SLFN11: variants seen among roughly 807,000 people sequenced by gnomAD.
SLFN11 encodes schlafen family member 11.
SLFN11 carries 43 observed loss-of-function variants against 53.4 expected under a neutral mutation model. The observed-to-expected ratio is 0.80, with a 90% CI of 0.63 to 1.04. SLFN11 has a LOEUF of 1.04. Ranked by LOEUF, SLFN11 falls within the 50% of genes least tolerant of loss-of-function variation. The pLI is 0.00. For missense variants in SLFN11, 990 were observed against 1,079.1 expected (o/e 0.92, Z 1.16); for synonymous variants, 389 against 394.7 (o/e 0.99, Z 0.17).
Position 35,360,356 on chromosome 17 carries a change from G to GAC in SLFN11, c.1083_1084dup (p.Ser362CysfsTer9). 1 of 1,605,838 alleles carries GAC rather than the reference G, an allele frequency of 6.2e-7. No homozygotes were observed. The highest frequency in any genetic ancestry group is 8.5e-7 in the Non-Finnish European group (1 of 1,177,378). ...ACTCAGCTGACATTCAAAATCTTCA[G>GAC]ACAACTGTAGAAGATCTTAAGAAAG... On this transcript the variant is annotated frameshift_variant, in exon 5 of 7. Transcript: ENST00000685675. LOFTEE classifies it high-confidence loss of function.
rs1906549344 is a variant in SLFN11 at position 35,350,500 on chromosome 17, A to G, written c.*1856T>C. On this transcript the variant is annotated 3_prime_UTR_variant, in exon 7 of 7. Transcript: ENST00000685675. ...TATTGTTAGTGGGGCAATAAATCAT[A>G]AAGAGATACAACCAGTCGAAATTAG... 1 of 152,192 alleles carries G rather than the reference A, an allele frequency of 6.6e-6. No individual in the cohort carries two copies. The highest frequency in any genetic ancestry group is 1.5e-5 in the Non-Finnish European group (1 of 68,022). The allele number at this position is 152,192 out of a possible 1,614,324, so 9.4% of individuals were successfully genotyped here. A position where few individuals can be genotyped will look rare whatever the true frequency, so the allele number is the denominator to read the frequency against.
intron 3 of SLFN11, among the ~76,000 whole-genome samples, chr17:35,366,731 T>G (rs1357129277): frequency 6.6e-6 from 1 of 152,022 alleles, no homozygotes; most frequent in Admixed American, 6.5e-5. Context: ...ACAGAAGGAA[T>G]GAGATGACTG....
intron 1 of SLFN11, among the ~76,000 whole-genome samples, chr17:35,370,029 G>C (rs1909454309): frequency 6.6e-6 from 1 of 151,996 alleles, no homozygotes; most frequent in Admixed American, 6.5e-5. Flanking sequence ...CAGTATTACT[G>C]ATACCAAAAC....
At chr17:35,372,038 C>T (rs1298550497) in intron 1 of SLFN11, among the ~76,000 whole-genome samples, 1 of 152,116 alleles carries the variant, frequency 6.6e-6, no homozygotes, top group Non-Finnish European at 1.5e-5. Context: ...TCCTGCAGCA[C>T]TGTTTAAAAT....
chr17:35,352,246 T>G lies in SLFN11; in HGVS notation c.*110A>C, dbSNP rs546933049. 34 of 1,384,068 alleles carry G rather than the reference T, an allele frequency of 2.5e-5. No individual in the cohort carries two copies. In the East Asian group the frequency reaches 7.1e-4, roughly 29 times the overall value. 85.7% of individuals were successfully genotyped at this position (1,384,068 alleles called of 1,614,324 possible). A position where few individuals can be genotyped will look rare whatever the true frequency, so the allele number is the denominator to read the frequency against. On this transcript the variant is annotated 3_prime_UTR_variant, in exon 7 of 7. Coordinates refer to ENST00000685675, the MANE Select transcript of SLFN11 (RefSeq NM_001376007.1). ...AGAAATGGGGGAGCTCCAAACTCTT[T>G]GTGTCAGCTCCGTCCAAATCTCTGA...
chr17:35,352,907 A>T lies in SLFN11; in HGVS notation c.2155T>A (p.Ser719Thr). 6.2e-7 allele frequency: 1 copy of T among 1,614,162 alleles called. No homozygotes were observed. Among genetic ancestry groups the T allele is most frequent in the South Asian group, 1.1e-5 (1 of 91,082 alleles). ...HLDCSGLPPL[S>T]DQYPREELTR... The stretch of plus-strand genomic sequence containing the variant: ...AGCTCTTCTCTTGGATATTGGTCTG[A>T]GAGAGGAGGGAGGCCACTGCAATCC... Residue 719 changes from serine to threonine, a missense_variant, in exon 7 of 7, where the codon TCA becomes ACA. By Grantham distance (58) the Ser-to-Thr change is moderately conservative. Coordinates refer to ENST00000685675, the MANE Select transcript of SLFN11 (RefSeq NM_001376007.1).
intron 5 of SLFN11, 103 bp from the exon 6 acceptor site, chr17:35,354,162 G>A: frequency 1.0e-5 from 10 of 999,508 alleles, no homozygotes; most frequent in Non-Finnish European, 1.3e-5. Context: ...ATTACTTATA[G>A]AAGTTTCAAA....
chr17:35,360,125 G>A lies in SLFN11; in HGVS notation c.1198+118C>T, dbSNP rs751323498. ...ACCAATAGGATTGTAACATCATCAC[G>A]TCTTACAAATGGGTTTGCAGAGCAC... is the stretch of plus-strand genomic sequence containing the variant. On this transcript the variant is annotated intron_variant, in intron 5 of 6. Coordinates refer to ENST00000685675, the MANE Select transcript of SLFN11 (RefSeq NM_001376007.1). 1.3e-4 allele frequency: 136 copies of A among 1,038,384 alleles called. 1 individual carries two copies. Among genetic ancestry groups the A allele is most frequent in the Non-Finnish European group, 1.8e-4 (125 of 701,034 alleles). The allele number at this position is 1,038,384 out of a possible 1,614,324, so 64.3% of individuals were successfully genotyped here.
In SLFN11 at chr17:35,353,908, G is replaced by A; in HGVS notation, c.1350C>T (p.Asn450=). The A allele has an allele frequency of 6.2e-7, 1 of 1,613,898 alleles. No individual in the cohort carries two copies. The highest frequency in any genetic ancestry group is 1.1e-5 in the South Asian group (1 of 91,070). ...IFSRSWAVDL[N]LQEKPGVICD... is the part of the protein sequence containing the mutation. ...AGATGACTCCTGGCTTCTCCTGCAAGTTCAGGTCCACAGCCCAACTTCTAG... is the reference window on the plus strand; with the variant it reads ...AGATGACTCCTGGCTTCTCCTGCAAATTCAGGTCCACAGCCCAACTTCTAG... The change falls in exon 6 of 7, where the codon AAC becomes AAT. Residue 450 remains asparagine (N), a synonymous_variant. Coordinates refer to ENST00000685675, the MANE Select transcript of SLFN11 (RefSeq NM_001376007.1).
chr17:35,357,634 T>C (rs535904088), intron 5 of SLFN11, among the ~76,000 whole-genome samples: 1 of 149,594 alleles, frequency 6.7e-6, no homozygotes, highest in East Asian at 1.9e-4. Context: ...TGTTTCTGTG[T>C]ATTTCCAGAT....
chr17:35,353,010 T>C lies in SLFN11; in HGVS notation c.2052A>G (p.Ala684=). 6.2e-7 allele frequency: 1 copy of C among 1,614,216 alleles called. No homozygotes were observed. Among genetic ancestry groups the C allele is most frequent in the Non-Finnish European group, 8.5e-7 (1 of 1,180,046 alleles). Residue 684 remains alanine, a synonymous_variant, in exon 7 of 7, where the codon GCA becomes GCG. Coordinates refer to ENST00000685675, the MANE Select transcript of SLFN11 (RefSeq NM_001376007.1). ...RTEDGDWYGK[A]KSITRRAKGG... is the part of the protein sequence containing the mutation. Reference sequence around the variant, plus strand: ...CCTTTGCTCTCCGAGTGATGCTTTTTGCCTTCCCATACCAGTCCCCATCTT... The same window carrying C: ...CCTTTGCTCTCCGAGTGATGCTTTTCGCCTTCCCATACCAGTCCCCATCTT...
At position 35,363,252 on chromosome 17, in the gene SLFN11, T is replaced by C. The variant is rs1908489467; in HGVS notation, c.556A>G (p.Asn186Asp). Residue 186 changes from asparagine to aspartate, a missense_variant, in exon 4 of 7, where the codon AAC (asparagine) becomes GAC (aspartate). By Grantham distance (23) the Asn-to-Asp change is conservative. This residue lies in a region of SLFN11 where 521 missense variants were observed against 516.2 expected (regional missense o/e 1.01). Coordinates refer to ENST00000685675, the MANE Select transcript of SLFN11 (RefSeq NM_001376007.1). ...AAAATTAGGTCAGCAGGATCCGAGT[T>C]TGGGTCAGCAGGATCCGAGTTAGGG... is the stretch of plus-strand genomic sequence containing the variant. ...ELPNSDPADPNSDPADLIFQK... is the reference protein window; with the variant it reads ...ELPNSDPADPDSDPADLIFQK... The C allele has an allele frequency of 6.2e-7, 1 of 1,613,998 alleles. No individual in the cohort carries two copies. The highest frequency in any genetic ancestry group is 8.5e-7 in the Non-Finnish European group (1 of 1,179,972).
At position 35,352,036 on chromosome 17, in the gene SLFN11, C is replaced by T; in HGVS notation, c.*320G>A. On this transcript the variant is annotated 3_prime_UTR_variant, in exon 7 of 7. Transcript: ENST00000685675. Reference sequence around the variant, plus strand: ...GCCCAGCCTTGGAAGAAAGAAAGGCCACAGGCTGAGTTTCTTATTTTTATG... The same window carrying T: ...GCCCAGCCTTGGAAGAAAGAAAGGCTACAGGCTGAGTTTCTTATTTTTATG... 1 of 287,888 alleles carries T rather than the reference C, an allele frequency of 3.5e-6. No homozygotes were observed. The allele number at this position is 287,888 out of a possible 1,614,324, so 17.8% of individuals were successfully genotyped here.
At chr17:35,369,356 A>C (rs1321377217) in intron 1 of SLFN11, among the ~76,000 whole-genome samples, 1 of 152,132 alleles carries the variant, frequency 6.6e-6, no homozygotes, top group Non-Finnish European at 1.5e-5. Context: ...TGTGTTGGCC[A>C]CAGGGTCATC....
rs1415638533 is a variant in SLFN11 at position 35,366,938 on chromosome 17, G to C, written c.-20+9C>G. 6.6e-6 allele frequency: 1 copy of C among 151,860 alleles called. No individual in the cohort carries two copies. The highest frequency in any genetic ancestry group is 1.5e-5 in the Non-Finnish European group (1 of 67,986). The allele number at this position is 151,860 out of a possible 1,614,324, so 9.4% of individuals were successfully genotyped here. A position where few individuals can be genotyped will look rare whatever the true frequency, so the allele number is the denominator to read the frequency against. ...AATACAAAAATTAGGCAGGTGTGGTGGTACTCACCTGTGGTCCCAGCTACT... is the reference window on the plus strand; with the variant it reads ...AATACAAAAATTAGGCAGGTGTGGTCGTACTCACCTGTGGTCCCAGCTACT... On this transcript the variant is annotated intron_variant, in intron 3 of 6. Coordinates refer to ENST00000685675, the MANE Select transcript of SLFN11 (RefSeq NM_001376007.1).
In SLFN11 at chr17:35,350,875, C is replaced by G. The variant is rs954624038; in HGVS notation, c.*1481G>C. Reference sequence around the variant, plus strand: ...TATTGGTCATATGATTTCTTAGTTTCCATTAGTTATGCAAATATTTTACTG... The same window carrying G: ...TATTGGTCATATGATTTCTTAGTTTGCATTAGTTATGCAAATATTTTACTG... On this transcript the variant is annotated 3_prime_UTR_variant, in exon 7 of 7. Coordinates refer to ENST00000685675, the MANE Select transcript of SLFN11 (RefSeq NM_001376007.1). The G allele has an allele frequency of 2.6e-5, 4 of 152,080 alleles. No homozygotes were observed. Among genetic ancestry groups the G allele is most frequent in the African/African-American group, 9.7e-5 (4 of 41,402 alleles). 9.4% of individuals were successfully genotyped at this position (152,080 alleles called of 1,614,324 possible).
In SLFN11 at chr17:35,363,283, T is replaced by C; in HGVS notation, c.525A>G (p.Gln175=). The C allele has an allele frequency of 6.2e-7, 1 of 1,614,078 alleles. No individual in the cohort carries two copies. The change falls in exon 4 of 7, where the codon CAA becomes CAG. Residue 175 remains glutamine, a synonymous_variant. Transcript: ENST00000685675. ...PFHKIHKGVY[Q]ELPNSDPADP... ...CAGCAGGATCCGAGTTAGGGAGCTC[T>C]TGGTATACACCCTTGTGAATTTTGT...
At chr17:35,361,695 C>T (rs970524202) in intron 4 of SLFN11, among the ~76,000 whole-genome samples, 16 of 152,000 alleles carry the variant, frequency 1.1e-4, no homozygotes, top group African/African-American at 3.4e-4. Flanking sequence ...AGATAAACTA[C>T]ATCTTAATTT....
chr17:35,368,199 C>T (rs534153451), intron 1 of SLFN11, among the ~76,000 whole-genome samples: 21 of 152,150 alleles, frequency 1.4e-4, no homozygotes, highest in African/African-American at 4.6e-4. Flanking sequence ...AGGGGATTGG[C>T]TAGCCTCAGA....
Sources: allele counts gnomAD v4.1 joint callset (sites outside exome capture counted in the v4.1 genomes callset), GRCh38; gene constraint gnomAD v4.1.1; regional missense constraint gnomAD v4.1.1; transcripts MANE v1.5; gene names NCBI Gene and HGNC (gene_info 2026-07-23, HGNC 2026-07-21).